FRMPD4: variants seen among roughly 807,000 people sequenced by gnomAD.
FRMPD4 encodes the protein FERM and PDZ domain-containing protein 4.
Under a neutral mutation model 94.1 loss-of-function variants are expected in FRMPD4, and 22 were observed. The observed-to-expected ratio is 0.23, with a 90% confidence interval of 0.17 to 0.33. The LOEUF (loss-of-function observed/expected upper bound fraction) is 0.33. FRMPD4 is among the 10% of genes least tolerant of loss of function. FRMPD4 has a pLI of 1.00. For synonymous variants in FRMPD4, 631 were observed against 548.6 expected (o/e 1.15, Z -2.10); for missense variants, 1,111 against 1,339.9 (o/e 0.83, Z 2.67).
intron 2 of FRMPD4, among the ~76,000 whole-genome samples, chrX:12,534,453 AT>A (rs2058318048): frequency 8.9e-6 from 1 of 111,952 alleles, no homozygotes. Flanking sequence ...AGAATGGTAG[AT>A]CCACTGACAG....
At chrX:12,383,564 T>G (rs888767232) in intron 1 of FRMPD4, among the ~76,000 whole-genome samples, 3 of 111,708 alleles carry the variant, frequency 2.7e-5, no homozygotes, top group Admixed American at 9.5e-5. Flanking sequence ...CTGTTTTCCA[T>G]TGAATTCTGT....
intron 1 of FRMPD4, among the ~76,000 whole-genome samples, chrX:12,184,241 C>T (rs769027051): frequency 6.1e-4 from 68 of 110,839 alleles, no homozygotes; most frequent in African/African-American, 2.1e-3. Context: ...AAATCCTGAA[C>T]GCCAAACAAA....
intron 2 of FRMPD4, among the ~76,000 whole-genome samples, chrX:12,557,286 T>C (rs138292600): frequency 0.015 from 1,675 of 111,527 alleles, 32 homozygotes; most frequent in African/African-American, 0.052. Flanking sequence ...GTTGTGTAGA[T>C]GAAACCTCAC....
intron 1 of FRMPD4, among the ~76,000 whole-genome samples, chrX:12,274,872 G>A (rs918940790): frequency 9.8e-5 from 11 of 111,812 alleles, no homozygotes; most frequent in East Asian, 2.8e-4. Context: ...AGCCAGACGC[G>A]GTGGTGGGCA....
intron 1 of FRMPD4, among the ~76,000 whole-genome samples, chrX:12,313,016 A>G (rs1451625973): frequency 9.0e-6 from 1 of 111,712 alleles, no homozygotes; most frequent in Non-Finnish European, 1.9e-5. Flanking sequence ...CCAGTAGACC[A>G]TGTCTCAAAA....
chrX:12,351,459 G>T (rs1333652940), intron 1 of FRMPD4, among the ~76,000 whole-genome samples: 1 of 111,800 alleles, frequency 8.9e-6, no homozygotes, highest in Admixed American at 9.5e-5. Context: ...ACAACCTAGT[G>T]ACAATCTCCA....
At chrX:12,345,218 A>G (rs945859218) in intron 1 of FRMPD4, among the ~76,000 whole-genome samples, 22 of 109,678 alleles carry the variant, frequency 2.0e-4, no homozygotes, top group Non-Finnish European at 3.6e-4. Context: ...GGGTGGATGG[A>G]TGGATGGATA....
chrX:11,913,979 T>C (rs1357974353), intron 3 of FRMPD4, among the ~76,000 whole-genome samples: 1 of 112,155 alleles, frequency 8.9e-6, no homozygotes, highest in Admixed American at 9.5e-5. Flanking sequence ...ATTTGGTAAT[T>C]GTAGTCATTT....
intron 3 of FRMPD4, among the ~76,000 whole-genome samples, chrX:12,029,656 T>G (rs1297486922): frequency 5.4e-5 from 6 of 111,993 alleles, no homozygotes; most frequent in African/African-American, 1.6e-4. Flanking sequence ...GGGTGTAAAG[T>G]CTGTGTCTCC....
At chrX:11,892,837 T>C (rs1479876359) in intron 3 of FRMPD4, among the ~76,000 whole-genome samples, 1 of 112,236 alleles carries the variant, frequency 8.9e-6, no homozygotes, top group African/African-American at 3.2e-5. Context: ...CTCTCAGAAG[T>C]GAAGCTTGGG....
chrX:11,868,515 G>T (rs1171685942), intron 2 of FRMPD4, among the ~76,000 whole-genome samples: 1 of 110,478 alleles, frequency 9.1e-6, no homozygotes, highest in East Asian at 2.8e-4. Context: ...CAATTTCCAT[G>T]ATTAGAAATT....
chrX:12,405,195 A>G (rs1361898380), intron 1 of FRMPD4, among the ~76,000 whole-genome samples: 1 of 111,398 alleles, frequency 9.0e-6, no homozygotes, highest in Non-Finnish European at 1.9e-5. Context: ...CTCTGGAGGC[A>G]AAGAGTTCAT....
chrX:12,462,818 G>A (rs1028150933), intron 1 of FRMPD4, among the ~76,000 whole-genome samples: 2 of 111,355 alleles, frequency 1.8e-5, no homozygotes, highest in African/African-American at 3.3e-5. Flanking sequence ...GTGAAACCCC[G>A]TCTGTACAAA....
At chrX:11,989,331 A>C (rs2054450904) in intron 3 of FRMPD4, among the ~76,000 whole-genome samples, 1 of 111,916 alleles carries the variant, frequency 8.9e-6, no homozygotes, top group African/African-American at 3.2e-5. Flanking sequence ...CATTTGCAAC[A>C]AAATGGATGG....
At chrX:12,364,602 A>G (rs934432222) in intron 1 of FRMPD4, among the ~76,000 whole-genome samples, 3 of 110,849 alleles carry the variant, frequency 2.7e-5, no homozygotes, top group Non-Finnish European at 3.8e-5. Context: ...CTGGAGGAAG[A>G]AGACTCCTGA....
At chrX:12,003,587 G>A (rs1425235604) in intron 3 of FRMPD4, among the ~76,000 whole-genome samples, 12 of 111,524 alleles carry the variant, frequency 1.1e-4, no homozygotes, top group Middle Eastern at 9.3e-3. Flanking sequence ...TGTATTTTTC[G>A]TAGAGATGGT....
intron 1 of FRMPD4, among the ~76,000 whole-genome samples, chrX:12,486,216 C>T (rs2057737726): frequency 9.0e-6 from 1 of 111,504 alleles, no homozygotes; most frequent in African/African-American, 3.3e-5. Context: ...CCACTCCTTA[C>T]CTGACACTGA....
intron 1 of FRMPD4, among the ~76,000 whole-genome samples, chrX:11,861,839 A>G (rs2053688890): frequency 1.8e-5 from 2 of 111,575 alleles, no homozygotes; most frequent in Admixed American, 1.9e-4. Context: ...ATAAAGAAAT[A>G]CCCGAGACTG....
Position 12,296,655 on chromosome X carries a change from T to C in FRMPD4, c.41+157643T>C, listed in dbSNP as rs368058967. 2.2e-4 allele frequency among the ~76,000 whole-genome samples: 25 copies of C among 112,242 alleles called. No individual in the cohort carries two copies. In the East Asian group the frequency reaches 6.7e-3, roughly 30 times the overall value. Reference sequence around the variant, plus strand: ...GCCTTCATCTCTACTTCACAGCAGGTTGGACTTGCCTGAGTTATTTAGATT... The same window carrying C: ...GCCTTCATCTCTACTTCACAGCAGGCTGGACTTGCCTGAGTTATTTAGATT... On this transcript the variant is annotated intron_variant, in intron 1 of 16. Transcript: ENST00000675598.
Sources: gnomAD v4.1 joint callset for allele counts (sites outside exome capture counted in the v4.1 genomes callset) on GRCh38, gnomAD v4.1.1 for gene constraint, MANE v1.5 for transcripts, NCBI Gene and HGNC (gene_info 2026-07-23, HGNC 2026-07-21) for gene names.